PCDH15: variants seen among roughly 807,000 people sequenced by gnomAD.
The protein encoded by PCDH15 is protocadherin related 15, also known as protocadherin-15.
A neutral mutation model predicts 178.5 loss-of-function variants in PCDH15; 129 were observed. The ratio of observed to expected loss-of-function variants is 0.72; its 90% CI spans 0.63 to 0.84. PCDH15 has a LOEUF of 0.84. PCDH15 is among the 40% of genes least tolerant of loss of function. The probability of loss-of-function intolerance (pLI) is 0.00; values close to 1 mark genes in which losing one functional copy is unlikely to be tolerated. For synonymous variants in PCDH15, 800 were observed against 732.0 expected (o/e 1.09, Z -1.50); for missense variants, 2,230 against 2,099.9 (o/e 1.06, Z -1.21).
intron 11 of PCDH15, among the ~76,000 whole-genome samples, chr10:54,185,933 A>T (rs545117955): frequency 1.3e-5 from 2 of 152,220 alleles, no homozygotes; most frequent in South Asian, 2.1e-4. Context: ...AGAAAAAATG[A>T]TATATACTTA....
intron 18 of PCDH15, among the ~76,000 whole-genome samples, chr10:54,044,362 T>C (rs1180207759): frequency 6.6e-6 from 1 of 152,142 alleles, no homozygotes; most frequent in Non-Finnish European, 1.5e-5. Context: ...ATTTCTTATG[T>C]ATGACCAGAG....
chr10:55,223,537 C>T (rs1157219162), intron 1 of PCDH15, among the ~76,000 whole-genome samples: 4 of 152,076 alleles, frequency 2.6e-5, no homozygotes, highest in African/African-American at 9.7e-5. Context: ...GGAAACTGGG[C>T]TAAAATGCTG....
chr10:55,322,358 T>C (rs1315599596), upstream of PCDH15, among the ~76,000 whole-genome samples: 2 of 152,258 alleles, frequency 1.3e-5, no homozygotes, highest in Middle Eastern at 6.8e-3. Context: ...AGAATGGGAA[T>C]AGACTAAAAC....
At chr10:54,461,990 A>G (rs10159656) in intron 3 of PCDH15, among the ~76,000 whole-genome samples, 6,426 of 152,120 alleles carry the variant, frequency 0.042, 301 homozygotes, top group African/African-American at 0.11. Context: ...GAGAAATTTA[A>G]CAATTTTATT....
At chr10:54,307,500 T>C (rs1224928994) in intron 8 of PCDH15, among the ~76,000 whole-genome samples, 3 of 151,680 alleles carry the variant, frequency 2.0e-5, no homozygotes, top group African/African-American at 7.3e-5. Flanking sequence ...TTTATATTTA[T>C]TTAGAAAAGA....
At chr10:54,485,806 T>A (rs75549236) in intron 3 of PCDH15, among the ~76,000 whole-genome samples, 9,046 of 152,094 alleles carry the variant, frequency 0.059, 631 homozygotes, top group African/African-American at 0.17. Flanking sequence ...AGACTTCTGG[T>A]TTATCCATAA....
In PCDH15 at chr10:55,205,302, G is replaced by T. The variant is rs575907029; in HGVS notation, c.-155-38651C>A. On this transcript the variant is annotated intron_variant, in intron 1 of 5. Coordinates refer to the PCDH15 transcript ENST00000458638. The stretch of plus-strand genomic sequence containing the variant: ...AAAGTATTTAGAATTCTCAATTAAA[G>T]CAATTATAAGGCATCCCTCTGGAAA... 1.7e-4 allele frequency among the ~76,000 whole-genome samples: 26 copies of T among 152,002 alleles called. 1 individual carries two copies. The South Asian group carries it at 5.4e-3, about 32-fold the overall frequency.
intron 2 of PCDH15, among the ~76,000 whole-genome samples, chr10:54,538,764 T>C (rs1446484577): frequency 6.6e-6 from 1 of 152,176 alleles, no homozygotes; most frequent in Non-Finnish European, 1.5e-5. Flanking sequence ...TCCTCCTACT[T>C]TGGCCATGTC....
intron 1 of PCDH15, among the ~76,000 whole-genome samples, chr10:55,256,665 C>T (rs932678430): frequency 2.6e-5 from 4 of 152,140 alleles, no homozygotes; most frequent in East Asian, 3.9e-4. Flanking sequence ...AAGGCGGCAG[C>T]GAGGCTGGGG....
intron 2 of PCDH15, among the ~76,000 whole-genome samples, chr10:55,336,435 T>C (rs929019895): frequency 1.3e-5 from 2 of 152,026 alleles, no homozygotes; most frequent in Non-Finnish European, 1.5e-5. Flanking sequence ...GAGGCAGAGG[T>C]TGCAGTGAGC....
At chr10:53,935,731 A>G (rs2085514392) in intron 25 of PCDH15, among the ~76,000 whole-genome samples, 1 of 152,182 alleles carries the variant, frequency 6.6e-6, no homozygotes, top group Admixed American at 6.5e-5. Context: ...TATTTTGAAA[A>G]TCAATAATAA....
intron 3 of PCDH15, among the ~76,000 whole-genome samples, chr10:54,439,360 A>G (rs1471108968): frequency 6.6e-6 from 1 of 152,060 alleles, no homozygotes; most frequent in East Asian, 1.9e-4. Flanking sequence ...CTTCATTAAT[A>G]AAAGTAACAA....
intron 1 of PCDH15, among the ~76,000 whole-genome samples, chr10:55,255,490 A>T (rs1841970889): frequency 6.6e-6 from 1 of 152,216 alleles, no homozygotes; most frequent in Admixed American, 6.5e-5. Flanking sequence ...GCTGGGTCAA[A>T]TGGTATTTCT....
At chr10:54,753,513 A>C (rs1946617782) in intron 1 of PCDH15, among the ~76,000 whole-genome samples, 3 of 145,530 alleles carry the variant, frequency 2.1e-5, no homozygotes, top group African/African-American at 8.4e-5. Flanking sequence ...ACAAACAAAC[A>C]AAAAAAAAAA....
At chr10:54,376,015 C>A (rs1948373822) in intron 4 of PCDH15, among the ~76,000 whole-genome samples, 1 of 151,508 alleles carries the variant, frequency 6.6e-6, no homozygotes, top group African/African-American at 2.4e-5. Context: ...CTGCCTCAGC[C>A]TCTACAGTAG....
intron 1 of PCDH15, among the ~76,000 whole-genome samples, chr10:54,724,136 C>T (rs1312613690): frequency 6.6e-6 from 1 of 151,670 alleles, no homozygotes; most frequent in South Asian, 2.1e-4. Flanking sequence ...ATGGAATCAA[C>T]CTAAGTGTCC....
intron 15 of PCDH15, among the ~76,000 whole-genome samples, chr10:54,109,907 T>A (rs1358527765): frequency 6.6e-6 from 1 of 152,216 alleles, no homozygotes; most frequent in African/African-American, 2.4e-5. Flanking sequence ...ATTATCCTGA[T>A]GTGACTATTA....
At chr10:54,620,267 A>C (rs74886133) in intron 2 of PCDH15, among the ~76,000 whole-genome samples, 5,761 of 152,074 alleles carry the variant, frequency 0.038, 334 homozygotes, top group African/African-American at 0.13. Flanking sequence ...ATTGTAGCAT[A>C]ATGGGAAAAT....
intron 1 of PCDH15, among the ~76,000 whole-genome samples, chr10:54,712,331 T>C (rs2095435096): frequency 6.6e-6 from 1 of 151,962 alleles, no homozygotes; most frequent in Admixed American, 6.6e-5. Flanking sequence ...GTTTTAAGCA[T>C]TAATTTATAT....
Sources: allele counts gnomAD v4.1 joint callset (sites outside exome capture counted in the v4.1 genomes callset), GRCh38; gene constraint gnomAD v4.1.1; transcripts MANE v1.5; gene names NCBI Gene and HGNC (gene_info 2026-07-23, HGNC 2026-07-21).